KCNJ3: variants seen among roughly 807,000 people sequenced by gnomAD.
The protein encoded by KCNJ3 is potassium inwardly rectifying channel subfamily J member 3.
A neutral mutation model predicts 39.2 loss-of-function variants in KCNJ3; 4 were observed. The ratio of observed to expected loss-of-function variants is 0.10; its 90% CI spans 0.05 to 0.23. The LOEUF (loss-of-function observed/expected upper bound fraction) is 0.23, where lower values mean the gene tolerates loss of function less well. KCNJ3 is among the 10% of genes least tolerant of loss of function. KCNJ3 has a pLI of 1.00. For synonymous variants in KCNJ3, 230 were observed against 237.4 expected (o/e 0.97, Z 0.29); for missense variants, 276 against 634.9 (o/e 0.43, Z 6.08).
rs370830330 is a variant in KCNJ3 at position 154,836,694 on chromosome 2, T to G, written c.920-18033T>G. Among the ~76,000 whole-genome samples, 37 of 152,332 alleles carry G rather than the reference T, an allele frequency of 2.4e-4. No individual in the cohort carries two copies. In the East Asian group the frequency reaches 6.7e-3, roughly 28 times the overall value. ...AGCATTCCAAAATGTTTTCATAAAA[T>G]TATAGGGAATTTATTTTTCACTTAG... is the stretch of plus-strand genomic sequence containing the variant. On this transcript the variant is annotated intron_variant, in intron 2 of 2. Transcript: ENST00000295101.
chr2:154,844,624 CTTTG>C (rs1352766670), intron 2 of KCNJ3, among the ~76,000 whole-genome samples: 2 of 152,182 alleles, frequency 1.3e-5, no homozygotes, highest in Non-Finnish European at 2.9e-5. Flanking sequence ...TTCCCGGTCG[CTTTG>C]TTTATCTACT....
chr2:154,709,855 T>C (rs1436430941), intron 2 of KCNJ3, 36 bp downstream of exon 2: 1 of 1,608,532 alleles, frequency 6.2e-7, no homozygotes, highest in South Asian at 1.1e-5. Flanking sequence ...AGTTTCTTTA[T>C]ACCATAATGA....
chr2:154,746,507 C>T (rs1444370807), intron 2 of KCNJ3, among the ~76,000 whole-genome samples: 2 of 150,896 alleles, frequency 1.3e-5, no homozygotes, highest in East Asian at 3.9e-4. Flanking sequence ...TATTATTGTA[C>T]TGTTATTTTT....
chr2:154,849,080 C>A (rs768014615), intron 2 of KCNJ3, among the ~76,000 whole-genome samples: 2 of 152,110 alleles, frequency 1.3e-5, no homozygotes, highest in Non-Finnish European at 2.9e-5. Context: ...AATCCTCAAG[C>A]CTGATTTCTT....
chr2:154,805,086 T>C (rs1436667763), intron 2 of KCNJ3, among the ~76,000 whole-genome samples: 1 of 152,134 alleles, frequency 6.6e-6, no homozygotes, highest in Non-Finnish European at 1.5e-5. Context: ...AGAAGTGAAC[T>C]TAGCAATTGG....
Position 154,699,790 on chromosome 2 carries a change from C to CT in KCNJ3, c.702+315dup, listed in dbSNP as rs1684855586. 6.6e-6 allele frequency among the ~76,000 whole-genome samples: 1 copy of CT among 152,258 alleles called. No individual in the cohort carries two copies. The highest frequency in any genetic ancestry group is 2.1e-4 in the South Asian group (1 of 4,818). On this transcript the variant is annotated intron_variant, in intron 1 of 2. Coordinates refer to ENST00000295101, the MANE Select transcript of KCNJ3 (RefSeq NM_002239.4). The surrounding 1 kb of genome is among the most constrained non-coding windows in gnomAD (Gnocchi z 6.4). ...TGAGGGCAATTAGTGCCCTGTTCGC[C>CT]TTCCTGTCCCTGTTGCTTCGCTATT... is the stretch of plus-strand genomic sequence containing the variant.
At chr2:154,737,786 G>A (rs1296146864) in intron 2 of KCNJ3, among the ~76,000 whole-genome samples, 1 of 152,004 alleles carries the variant, frequency 6.6e-6, no homozygotes, top group African/African-American at 2.4e-5. Context: ...TTTCTTAAAG[G>A]GACATCAGTC....
At chr2:154,739,732 G>A (rs898590873) in intron 2 of KCNJ3, among the ~76,000 whole-genome samples, 2 of 152,086 alleles carry the variant, frequency 1.3e-5, no homozygotes, top group South Asian at 2.1e-4. Flanking sequence ...GCTCACAAAC[G>A]GGAGTTCCCT....
At chr2:154,752,784 G>C (rs966343506) in intron 2 of KCNJ3, among the ~76,000 whole-genome samples, 1 of 151,908 alleles carries the variant, frequency 6.6e-6, no homozygotes, top group East Asian at 1.9e-4. Flanking sequence ...TTGAAATTCT[G>C]TTAAGCTACA....
At chr2:154,799,204 T>C (rs1266667421) in intron 2 of KCNJ3, among the ~76,000 whole-genome samples, 6 of 152,178 alleles carry the variant, frequency 3.9e-5, no homozygotes, top group Non-Finnish European at 8.8e-5. Flanking sequence ...CGATCTTGGC[T>C]TAGTGCAACC....
At chr2:154,712,715 C>G (rs1176607759) in intron 2 of KCNJ3, among the ~76,000 whole-genome samples, 1 of 151,878 alleles carries the variant, frequency 6.6e-6, no homozygotes, top group African/African-American at 2.4e-5. Flanking sequence ...GCGTGGGGAA[C>G]CAATACTCAG....
At position 154,854,861 on chromosome 2, in the gene KCNJ3, C is replaced by T; in HGVS notation, c.1054C>T (p.Pro352Ser). The T allele has an allele frequency of 6.2e-7, 1 of 1,613,812 alleles. No homozygotes were observed. The highest frequency in any genetic ancestry group is 8.5e-7 in the Non-Finnish European group (1 of 1,179,884). Residue 352 changes from proline to serine, a missense_variant, in exon 3 of 3, where the codon CCC (proline) becomes TCC (serine). By Grantham distance (74) the Pro-to-Ser change is moderately conservative (BLOSUM62 -1). Around this residue, in one of 4 missense-constraint regions of KCNJ3, gnomAD observed 126 missense variants for 179.8 expected, o/e 0.70. Transcript: ENST00000295101. ...YSQFHATFEVPTPPYSVKEQE... is the reference protein window; with the variant it reads ...YSQFHATFEVSTPPYSVKEQE... ...CCAGTTCCATGCAACATTTGAAGTCCCCACCCCACCTTACAGTGTGAAAGA... is the reference window on the plus strand; with the variant it reads ...CCAGTTCCATGCAACATTTGAAGTCTCCACCCCACCTTACAGTGTGAAAGA...
intron 2 of KCNJ3, among the ~76,000 whole-genome samples, chr2:154,722,792 G>A (rs901981710): frequency 1.6e-4 from 24 of 152,176 alleles, no homozygotes; most frequent in Non-Finnish European, 2.8e-4. Context: ...CAGTAATTGA[G>A]TTGAGAGATG....
intron 1 of KCNJ3, among the ~76,000 whole-genome samples, chr2:154,701,653 A>G (rs1017437295): frequency 2.0e-5 from 3 of 152,130 alleles, no homozygotes; most frequent in Non-Finnish European, 4.4e-5. Flanking sequence ...GCAAGGTGCT[A>G]TATTAACACA....
intron 1 of KCNJ3, among the ~76,000 whole-genome samples, chr2:154,708,960 C>A (rs1442222427): frequency 6.6e-6 from 1 of 152,098 alleles, no homozygotes; most frequent in Non-Finnish European, 1.5e-5. Context: ...ATTTATAATG[C>A]AGTTTATTAT....
chr2:154,799,935 A>C, intron 2 of KCNJ3, among the ~76,000 whole-genome samples: 1 of 152,200 alleles, frequency 6.6e-6, no homozygotes, highest in South Asian at 2.1e-4. Context: ...GCAAAGGATA[A>C]GTAAAAGTAG....
chr2:154,771,762 A>G (rs1686245500), intron 2 of KCNJ3, among the ~76,000 whole-genome samples: 1 of 152,226 alleles, frequency 6.6e-6, no homozygotes, highest in Admixed American at 6.5e-5. Flanking sequence ...TCTGGGAACT[A>G]GACAATATCG....
At chr2:154,730,844 T>C (rs16838052) in intron 2 of KCNJ3, among the ~76,000 whole-genome samples, 24,436 of 152,010 alleles carry the variant, frequency 0.16, 2,193 homozygotes, top group African/African-American at 0.22. Flanking sequence ...CTAAAATATA[T>C]TGTCAAATCA....
intron 2 of KCNJ3, among the ~76,000 whole-genome samples, chr2:154,712,919 G>A (rs1685124514): frequency 6.6e-6 from 1 of 152,088 alleles, no homozygotes; most frequent in African/African-American, 2.4e-5. Context: ...GGCCCTTTTG[G>A]TCCAGTCTGG....
Sources: gnomAD v4.1 joint callset for allele counts (sites outside exome capture counted in the v4.1 genomes callset) on GRCh38, gnomAD v4.1.1 for gene constraint, gnomAD v4.1.1 regional missense constraint, Gnocchi (gnomAD v3.1) non-coding constraint, MANE v1.5 for transcripts, NCBI Gene and HGNC (gene_info 2026-07-23, HGNC 2026-07-21) for gene names.